The following PPP1R14C variants were observed in gnomAD, a reference collection of about 807,000 sequenced individuals.
PPP1R14C encodes protein phosphatase 1 regulatory subunit 14C.
In PPP1R14C, 16 loss-of-function variants were observed where a neutral mutation model predicts 20.4. The ratio of observed to expected loss-of-function variants is 0.78; its 90% CI spans 0.53 to 1.19. PPP1R14C has a LOEUF of 1.19. Ranked by LOEUF, PPP1R14C falls within the 50% of genes most tolerant of loss-of-function variation. PPP1R14C has a pLI of 0.00. For synonymous variants in PPP1R14C, 91 were observed against 91.0 expected (o/e 1.00, Z 0.00); for missense variants, 211 against 220.1 (o/e 0.96, Z 0.26).
intron 3 of PPP1R14C, among the ~76,000 whole-genome samples, chr6:150,218,655 T>G (rs963410066): frequency 7.2e-5 from 11 of 152,148 alleles, no homozygotes; most frequent in South Asian, 4.2e-4. Flanking sequence ...TTTTCTTTCT[T>G]TTTTTCTTTT....
chr6:150,231,529 T>G (rs1377919216), intron 3 of PPP1R14C, among the ~76,000 whole-genome samples: 2 of 152,230 alleles, frequency 1.3e-5, no homozygotes, highest in Non-Finnish European at 2.9e-5. Flanking sequence ...CTCTCTCTTT[T>G]TCTTCACTTT....
At chr6:150,144,729 T>C (rs1421138412) in intron 1 of PPP1R14C, among the ~76,000 whole-genome samples, 1 of 152,234 alleles carries the variant, frequency 6.6e-6, no homozygotes, top group African/African-American at 2.4e-5. Context: ...TGACTACTGA[T>C]AAATGATTAT....
chr6:150,163,157 C>T (rs1023429656), intron 1 of PPP1R14C, among the ~76,000 whole-genome samples: 4 of 152,082 alleles, frequency 2.6e-5, no homozygotes, highest in African/African-American at 2.4e-5. Context: ...TTTGGGAGGC[C>T]GAGGCAGGCG....
intron 3 of PPP1R14C, among the ~76,000 whole-genome samples, chr6:150,219,929 C>T (rs60338080): frequency 0.11 from 16,146 of 152,056 alleles, 938 homozygotes; most frequent in Middle Eastern, 0.16. Flanking sequence ...CATGTAGGCT[C>T]GCTGAAAAAC....
chr6:150,207,943 C>T (rs755568647), intron 1 of PPP1R14C, among the ~76,000 whole-genome samples: 14 of 152,054 alleles, frequency 9.2e-5, no homozygotes, highest in Non-Finnish European at 1.8e-4. Context: ...TGACAGCGTT[C>T]ATCCCGTGTA....
At chr6:150,151,667 A>T (rs2114851598) in intron 1 of PPP1R14C, among the ~76,000 whole-genome samples, 1 of 152,306 alleles carries the variant, frequency 6.6e-6, no homozygotes, top group Admixed American at 6.5e-5. Flanking sequence ...CAATCCTCCC[A>T]ACAACTTTAT....
chr6:150,157,271 T>C lies in PPP1R14C; in HGVS notation c.306+13773T>C, dbSNP rs115110114. On this transcript the variant is annotated intron_variant, in intron 1 of 3. Coordinates refer to ENST00000361131, the MANE Select transcript of PPP1R14C (RefSeq NM_030949.3). ...CGAGGATGTGAGAGAGTGTGGTCTA[T>C]ACAGGAGGGGTGGAGTGGGTGTGGA... Among the ~76,000 whole-genome samples the C allele has an allele frequency of 7.5e-3, 1,146 of 152,320 alleles. 14 individuals are homozygous for C. The highest frequency in any genetic ancestry group is 0.026 in the African/African-American group (1,063 of 41,572).
rs532975064 is a variant in PPP1R14C, at chr6:150,220,773, G to A, written c.423+3917G>A. On this transcript the variant is annotated intron_variant, in intron 3 of 3. Transcript: ENST00000361131. Reference sequence around the variant, plus strand: ...TGCATTTTCTCATGGAAATGAGCCCGTTCTCTCCCTAGGTTTTATAATGTC... The same window carrying A: ...TGCATTTTCTCATGGAAATGAGCCCATTCTCTCCCTAGGTTTTATAATGTC... 4.6e-5 allele frequency among the ~76,000 whole-genome samples: 7 copies of A among 152,306 alleles called. No individual in the cohort carries two copies. In the South Asian group the frequency reaches 6.2e-4, roughly 14 times the overall value.
chr6:150,164,880 T>TG (rs1397034357), intron 1 of PPP1R14C, among the ~76,000 whole-genome samples: 5 of 152,150 alleles, frequency 3.3e-5, no homozygotes, highest in Admixed American at 2.6e-4. Flanking sequence ...GTCCTGAGGG[T>TG]GGAGCACTCA....
chr6:150,160,588 A>G (rs1028245004), intron 1 of PPP1R14C, among the ~76,000 whole-genome samples: 1 of 151,976 alleles, frequency 6.6e-6, no homozygotes, highest in Non-Finnish European at 1.5e-5. Context: ...TTCTTAAGTA[A>G]TGGGAAGTTA....
intron 1 of PPP1R14C, among the ~76,000 whole-genome samples, chr6:150,204,099 A>G (rs1777912383): frequency 6.6e-6 from 1 of 152,234 alleles, no homozygotes; most frequent in Non-Finnish European, 1.5e-5. Flanking sequence ...TGCTGTCGGC[A>G]CAGGAGCCGT....
At chr6:150,194,420 G>A in intron 1 of PPP1R14C, 1 of 981,480 alleles carries the variant, frequency 1.0e-6, no homozygotes, top group Non-Finnish European at 1.2e-6. Flanking sequence ...TTGAGAGTAT[G>A]TACAAAATGA....
At chr6:150,187,245 CTCTGTGTGTGTG>C (rs1329819250) in intron 1 of PPP1R14C, among the ~76,000 whole-genome samples, 2 of 110,856 alleles carry the variant, frequency 1.8e-5, no homozygotes, top group African/African-American at 3.2e-5. Context: ...CTTTCTCTTT[CTCTGTGTGTGTG>C]TGTGTGTGTG....
At chr6:150,241,009 G>A (rs1327222379) in intron 3 of PPP1R14C, among the ~76,000 whole-genome samples, 1 of 151,790 alleles carries the variant, frequency 6.6e-6, no homozygotes, top group Non-Finnish European at 1.5e-5. Context: ...AATTTCCTGG[G>A]TGATAGGAGT....
chr6:150,192,846 T>C (rs1435032099), intron 1 of PPP1R14C, among the ~76,000 whole-genome samples: 1 of 152,156 alleles, frequency 6.6e-6, no homozygotes, highest in Admixed American at 6.5e-5. Flanking sequence ...TCTTGCCCTC[T>C]CTGTTTCCAC....
At chr6:150,217,610 A>C (rs1486743643) in intron 3 of PPP1R14C, among the ~76,000 whole-genome samples, 1 of 152,262 alleles carries the variant, frequency 6.6e-6, no homozygotes, top group Non-Finnish European at 1.5e-5. Context: ...ATGTATAAAC[A>C]TTATCATAAA....
chr6:150,174,965 C>CA lies in PPP1R14C; in HGVS notation c.306+31483dup, dbSNP rs34296938. Among the ~76,000 whole-genome samples, 827 of 120,844 alleles carry CA rather than the reference C, an allele frequency of 6.8e-3. 12 individuals carry two copies. Among genetic ancestry groups the CA allele is most frequent in the African/African-American group, 0.02 (661 of 33,326 alleles). 79.3% of individuals were successfully genotyped at this position (120,844 alleles called of 152,430 possible). A position where few individuals can be genotyped will look rare whatever the true frequency, so the allele number is the denominator to read the frequency against. ...TGGGCGACCGAGGGAGATTCTGTCT[C>CA]AAAAAAAAAAAAAAAAGTAGTGAAG... On this transcript the variant is annotated intron_variant, in intron 1 of 3. Transcript: ENST00000361131.
intron 1 of PPP1R14C, among the ~76,000 whole-genome samples, chr6:150,206,669 C>T (rs1336199305): frequency 6.6e-6 from 1 of 152,078 alleles, no homozygotes; most frequent in Non-Finnish European, 1.5e-5. Flanking sequence ...TCCTCTCTGC[C>T]GCAGCTGTCA....
At position 150,198,337 on chromosome 6, in the gene PPP1R14C, G is replaced by A. The variant is rs370755827; in HGVS notation, c.307-16407G>A. 5.4e-4 allele frequency among the ~76,000 whole-genome samples: 82 copies of A among 150,616 alleles called. No individual in the cohort carries two copies. In the East Asian group the frequency reaches 0.011, roughly 20 times the overall value. Reference sequence around the variant, plus strand: ...AGGGCCTGGATGCCCGGCTTTGTGTGCCCCTGGCCGCCACGGTGGAGGAGG... The same window carrying A: ...AGGGCCTGGATGCCCGGCTTTGTGTACCCCTGGCCGCCACGGTGGAGGAGG... On this transcript the variant is annotated intron_variant, in intron 1 of 3. Coordinates refer to ENST00000361131, the MANE Select transcript of PPP1R14C (RefSeq NM_030949.3).
Sources: gnomAD v4.1 joint callset for allele counts (sites outside exome capture counted in the v4.1 genomes callset) on GRCh38, gnomAD v4.1.1 for gene constraint, MANE v1.5 for transcripts, NCBI Gene and HGNC (gene_info 2026-07-23, HGNC 2026-07-21) for gene names.